Variants in TOX observed in about 807,000 individuals in gnomAD.
The protein encoded by TOX is thymocyte selection-associated high mobility group box protein TOX.
TOX carries 11 observed loss-of-function variants against 53.7 expected under a neutral mutation model. The ratio of observed to expected loss-of-function variants is 0.20; its 90% CI spans 0.13 to 0.34. The LOEUF is 0.34. Among genes scored for constraint, TOX ranks in the 10% least tolerant of loss-of-function variants. The probability of loss-of-function intolerance (pLI) is 1.00; values close to 1 mark genes in which losing one functional copy is unlikely to be tolerated. For missense variants in TOX, 570 were observed against 664.6 expected, an observed-to-expected ratio of 0.86 and a Z score of 1.56; for synonymous variants, 225 against 245.3, an observed-to-expected ratio of 0.92 and a Z score of 0.77.
At chr8:59,079,827 C>T (rs1474791111) in intron 1 of TOX, among the ~76,000 whole-genome samples, 4 of 152,132 alleles carry the variant, frequency 2.6e-5, no homozygotes, top group African/African-American at 4.8e-5. Flanking sequence ...ACACTCTGAG[C>T]CTGGAAAAGC....
chr8:58,918,743 T>C (rs1812021734), intron 3 of TOX, among the ~76,000 whole-genome samples: 1 of 72,564 alleles, frequency 1.4e-5, no homozygotes, highest in East Asian at 4.2e-4. Flanking sequence ...GGTATTCAAT[T>C]AGGAAAAGAG....
intron 6 of TOX, among the ~76,000 whole-genome samples, chr8:58,818,008 C>T (rs149269775): frequency 6.6e-6 from 1 of 152,152 alleles, no homozygotes; most frequent in African/African-American, 2.4e-5. Context: ...TGTGGTCCAT[C>T]ATATAGAGAG....
intron 1 of TOX, among the ~76,000 whole-genome samples, chr8:59,011,314 T>C (rs310367): frequency 0.94 from 143,310 of 152,316 alleles, 67,467 homozygotes; most frequent in East Asian, 1. Flanking sequence ...CTAAGCACAA[T>C]GAGCAGCTTT....
intron 7 of TOX, among the ~76,000 whole-genome samples, chr8:58,813,080 A>C (rs1361955971): frequency 6.6e-6 from 1 of 152,184 alleles, no homozygotes; most frequent in Non-Finnish European, 1.5e-5. Flanking sequence ...ACTTTTTGGG[A>C]TACACTAACA....
intron 1 of TOX, among the ~76,000 whole-genome samples, chr8:59,056,521 C>T (rs1459220291): frequency 6.7e-6 from 1 of 149,694 alleles, no homozygotes; most frequent in Non-Finnish European, 1.5e-5. Context: ...GGTAAGATGA[C>T]CCCTTAGTAA....
rs1805143190 is a variant in TOX, at chr8:59,118,231, C to T, written c.102+655G>A. Among the ~76,000 whole-genome samples the T allele has an allele frequency of 6.6e-6, 1 of 152,240 alleles. No homozygotes were observed. Among genetic ancestry groups the T allele is most frequent in the South Asian group, 2.1e-4 (1 of 4,836 alleles). ...GCTCCCAACAAACTTGCAATTTCCG[C>T]GCGCACCCCTTAAACAGGAACTGTT... On this transcript the variant is annotated intron_variant, in intron 1 of 8. Coordinates refer to ENST00000361421, the MANE Select transcript of TOX (RefSeq NM_014729.3). The surrounding 1 kb of genome is among the most constrained non-coding windows in gnomAD (Gnocchi z 4.1).
intron 1 of TOX, 132 bp from the exon 2 acceptor site, chr8:58,960,140 T>C (rs1217907274): frequency 1.4e-5 from 13 of 919,302 alleles, no homozygotes; most frequent in Non-Finnish European, 1.9e-5. Context: ...GCTGGGACTA[T>C]GGAAAATCTG....
In TOX at chr8:58,882,798, T is replaced by A. The variant is rs934090092; in HGVS notation, c.412-30993A>T. Among the ~76,000 whole-genome samples, 75 of 152,226 alleles carry A rather than the reference T, an allele frequency of 4.9e-4. 1 individual carries two copies. The highest frequency in any genetic ancestry group is 1.5e-4 in the Non-Finnish European group (10 of 68,038). On this transcript the variant is annotated intron_variant, in intron 3 of 8. Coordinates refer to ENST00000361421, the MANE Select transcript of TOX (RefSeq NM_014729.3). ...CATGAGGGAGATGTTGTAGGACATA[T>A]GAGTGCATTGGGAAAAGAGTTAACT...
intron 1 of TOX, among the ~76,000 whole-genome samples, chr8:58,982,814 G>A (rs192417895): frequency 1.3e-5 from 2 of 152,198 alleles, no homozygotes; most frequent in Admixed American, 6.5e-5. Context: ...AATATGCCCT[G>A]GCTTCTCATT....
At chr8:58,850,463 C>G (rs1357552271) in intron 4 of TOX, among the ~76,000 whole-genome samples, 2 of 152,102 alleles carry the variant, frequency 1.3e-5, no homozygotes, top group African/African-American at 4.8e-5. Flanking sequence ...CTTTGGCAGG[C>G]TATGGGCTGT....
At chr8:59,042,015 A>T (rs1287221048) in intron 1 of TOX, among the ~76,000 whole-genome samples, 1 of 152,192 alleles carries the variant, frequency 6.6e-6, no homozygotes, top group East Asian at 1.9e-4. Flanking sequence ...TGAAAAGAAA[A>T]TTCTCCCTAG....
chr8:59,052,214 ATT>A (rs1803804427), intron 1 of TOX, among the ~76,000 whole-genome samples: 2 of 152,208 alleles, frequency 1.3e-5, no homozygotes, highest in Non-Finnish European at 2.9e-5. Context: ...TTATAACATT[ATT>A]TTATATGTTT....
rs1812838192 is a variant in TOX, at chr8:58,963,467, A to G, written c.103-3459T>C. On this transcript the variant is annotated intron_variant, in intron 1 of 8. Transcript: ENST00000361421. ...CTATCAGGATATTCAGAACTCCTCCAAAAGTGTATTTCTGGGGAGCCTACA... is the reference window on the plus strand; with the variant it reads ...CTATCAGGATATTCAGAACTCCTCCGAAAGTGTATTTCTGGGGAGCCTACA... Among the ~76,000 whole-genome samples, 4 of 152,298 alleles carry G rather than the reference A, an allele frequency of 2.6e-5. No individual in the cohort carries two copies. In the South Asian group the frequency reaches 8.3e-4, roughly 32 times the overall value.
chr8:59,108,699 G>T (rs1324206357), intron 1 of TOX, among the ~76,000 whole-genome samples: 3 of 150,102 alleles, frequency 2.0e-5, no homozygotes, highest in East Asian at 1.9e-4. Context: ...CACACACAAG[G>T]TTATCAAAAG....
intron 1 of TOX, among the ~76,000 whole-genome samples, chr8:58,982,961 T>C (rs558787591): frequency 6.6e-6 from 1 of 152,332 alleles, no homozygotes; most frequent in South Asian, 2.1e-4. Context: ...CATTTATTCA[T>C]ATGGTCCCTC....
intron 1 of TOX, among the ~76,000 whole-genome samples, chr8:59,080,140 G>T (rs1414493370): frequency 6.6e-6 from 1 of 152,024 alleles, no homozygotes; most frequent in African/African-American, 2.4e-5. Context: ...GCACCACCAT[G>T]CCTGGCTGAT....
intron 1 of TOX, among the ~76,000 whole-genome samples, chr8:59,008,878 T>G (rs1813843941): frequency 6.6e-6 from 1 of 152,206 alleles, no homozygotes; most frequent in African/African-American, 2.4e-5. Context: ...TTACCCTTGA[T>G]TTAAAGCTAT....
At chr8:58,974,327 A>C (rs892223806) in intron 1 of TOX, among the ~76,000 whole-genome samples, 1 of 152,160 alleles carries the variant, frequency 6.6e-6, no homozygotes, top group African/African-American at 2.4e-5. Flanking sequence ...TGTCTATGTC[A>C]TGGGTTGAGT....
intron 3 of TOX, among the ~76,000 whole-genome samples, chr8:58,904,297 C>T (rs537445588): frequency 6.7e-5 from 10 of 150,048 alleles, no homozygotes; most frequent in Admixed American, 3.3e-4. Context: ...TGATTGTAGA[C>T]GACATATTTT....
Sources: allele counts gnomAD v4.1 joint callset (sites outside exome capture counted in the v4.1 genomes callset), GRCh38; gene constraint gnomAD v4.1.1; non-coding constraint Gnocchi (gnomAD v3.1); transcripts MANE v1.5; gene names NCBI Gene and HGNC (gene_info 2026-07-23, HGNC 2026-07-21).